Variants in CYP2C19 observed in about 807,000 individuals in gnomAD.
The protein encoded by CYP2C19 is cytochrome P450 2C19.
In CYP2C19, 59 loss-of-function variants were observed where a neutral mutation model predicts 40.9. That is an observed-to-expected ratio of 1.44 (90% CI 1.17 to 1.79). The LOEUF (loss-of-function observed/expected upper bound fraction) is 1.79. CYP2C19 is among the 40% of genes most tolerant of loss of function. CYP2C19 has a pLI of 0.00. For synonymous variants in CYP2C19, 253 were observed against 208.7 expected (o/e 1.21, Z -1.83); for missense variants, 754 against 596.9 (o/e 1.26, Z -2.74).
rs1173419631 is a variant in CYP2C19 at position 94,853,739 on chromosome 10, G to T, written c.*825G>T. ...TTTTTTGTATTTTTAGTACAGACAG[G>T]GTTTCACCATGTTAGCCAGGATGAT... On this transcript the variant is annotated 3_prime_UTR_variant, in exon 9 of 9. Coordinates refer to ENST00000371321, the MANE Select transcript of CYP2C19 (RefSeq NM_000769.4). Among the ~76,000 whole-genome samples the T allele has an allele frequency of 6.6e-6, 1 of 151,792 alleles. No homozygotes were observed. Among genetic ancestry groups the T allele is most frequent in the Non-Finnish European group, 1.5e-5 (1 of 67,950 alleles).
intron 5 of CYP2C19, among the ~76,000 whole-genome samples, chr10:94,799,842 T>A (rs959970397): frequency 2.6e-5 from 4 of 152,182 alleles, no homozygotes; most frequent in African/African-American, 9.6e-5. Flanking sequence ...CATTCCATGG[T>A]TTTTGGTTCC....
At chr10:94,791,625 C>T (rs970049948) in intron 5 of CYP2C19, among the ~76,000 whole-genome samples, 3 of 151,968 alleles carry the variant, frequency 2.0e-5, no homozygotes, top group South Asian at 2.1e-4. Flanking sequence ...CATTATTTAC[C>T]CAGTAGTCAT....
At chr10:94,820,294 G>T (rs1849093129) in intron 5 of CYP2C19, among the ~76,000 whole-genome samples, 1 of 151,876 alleles carries the variant, frequency 6.6e-6, no homozygotes, top group Non-Finnish European at 1.5e-5. Flanking sequence ...ATACTGAATG[G>T]GCAAAAACTG....
At chr10:94,774,382 G>A (rs527723345) in intron 1 of CYP2C19, 3 of 152,350 alleles carry the variant, frequency 2.0e-5, no homozygotes, top group South Asian at 4.1e-4. Flanking sequence ...ATTCCTCATA[G>A]GGATAGTATG....
intron 1 of CYP2C19, among the ~76,000 whole-genome samples, chr10:94,770,225 G>A (rs917114777): frequency 6.6e-5 from 10 of 152,142 alleles, no homozygotes; most frequent in Non-Finnish European, 8.8e-5. Flanking sequence ...GGATCATCTG[G>A]TTGGGGGCTT....
intron 7 of CYP2C19, 143 bp from the exon 8 acceptor site, chr10:94,849,774 A>AT (rs1849624444): frequency 7.9e-6 from 8 of 1,016,058 alleles, no homozygotes; most frequent in Non-Finnish European, 1.1e-5. Context: ...TACTTCGTCT[A>AT]TCTGTCTGGA....
chr10:94,765,226 G>C (rs1848223859), intron 1 of CYP2C19, among the ~76,000 whole-genome samples: 1 of 152,100 alleles, frequency 6.6e-6, no homozygotes, highest in Admixed American at 6.5e-5. Flanking sequence ...CCTATAAGTA[G>C]GGATATTAGT....
intron 6 of CYP2C19, among the ~76,000 whole-genome samples, chr10:94,840,650 G>T (rs1045898198): frequency 1.4e-4 from 21 of 152,198 alleles, no homozygotes; most frequent in Admixed American, 1.3e-3. Flanking sequence ...AGGGGCGCAC[G>T]CATGTGTGAC....
At chr10:94,801,654 T>C (rs1848767040) in intron 5 of CYP2C19, among the ~76,000 whole-genome samples, 1 of 152,168 alleles carries the variant, frequency 6.6e-6, no homozygotes, top group Admixed American at 6.5e-5. Flanking sequence ...CTTGTTAATT[T>C]TCTGTGTCAT....
chr10:94,805,052 T>A lies in CYP2C19; in HGVS notation c.820-15444T>A, dbSNP rs1049943243. ...CTATTTGGATGTGTTTTATTTCATT[T>A]TCTTGCATGGTTGCTCTGGCTAGAA... On this transcript the variant is annotated intron_variant, in intron 5 of 8. Coordinates refer to ENST00000371321, the MANE Select transcript of CYP2C19 (RefSeq NM_000769.4). 2.0e-5 allele frequency among the ~76,000 whole-genome samples: 3 copies of A among 152,162 alleles called. No individual in the cohort carries two copies. The East Asian group carries it at 5.8e-4, about 29-fold the overall frequency.
intron 1 of CYP2C19, among the ~76,000 whole-genome samples, chr10:94,764,322 T>C (rs1274465945): frequency 6.6e-6 from 1 of 152,290 alleles, no homozygotes; most frequent in East Asian, 1.9e-4. Context: ...GATCTGTTTT[T>C]ACAGAGTGCT....
rs1848974390 is a variant in CYP2C19 at position 94,814,661 on chromosome 10, G to A, written c.820-5835G>A. ...AGTGTAGGTTGTTAATGTCCTTAGT[G>A]TCAAAGTATTTGGGCGTCCTCCTAT... On this transcript the variant is annotated intron_variant, in intron 5 of 8. Transcript: ENST00000371321. Among the ~76,000 whole-genome samples, 2 of 151,192 alleles carry A rather than the reference G, an allele frequency of 1.3e-5. 1 individual carries two copies. Among genetic ancestry groups the A allele is most frequent in the African/African-American group, 4.9e-5 (2 of 40,906 alleles).
At chr10:94,782,203 A>G (rs1044401356) in intron 5 of CYP2C19, among the ~76,000 whole-genome samples, 2 of 152,182 alleles carry the variant, frequency 1.3e-5, no homozygotes, top group Admixed American at 6.5e-5. Flanking sequence ...CATAGAAGAA[A>G]TTGTTTAGAT....
chr10:94,842,580 T>A (rs1849512557), intron 6 of CYP2C19, among the ~76,000 whole-genome samples: 1 of 152,134 alleles, frequency 6.6e-6, no homozygotes, highest in South Asian at 2.1e-4. Context: ...CTTTCATTTC[T>A]TCCTGCCTTC....
chr10:94,764,057 C>T (rs1848209534), intron 1 of CYP2C19, among the ~76,000 whole-genome samples: 1 of 152,050 alleles, frequency 6.6e-6, no homozygotes. Flanking sequence ...TCGCTGGCTT[C>T]AGGAGTGAAG....
intron 5 of CYP2C19, among the ~76,000 whole-genome samples, chr10:94,818,851 C>T (rs1188634843): frequency 6.6e-6 from 1 of 152,022 alleles, no homozygotes. Context: ...GACAATTTGA[C>T]TTCCTCTTTT....
In CYP2C19 at chr10:94,785,311, C is replaced by T. The variant is rs531622102; in HGVS notation, c.819+3314C>T. On this transcript the variant is annotated intron_variant, in intron 5 of 8. Coordinates refer to ENST00000371321, the MANE Select transcript of CYP2C19 (RefSeq NM_000769.4). ...TTTAGCCCTTATATTTAAGTTTTTCCGTCCATTTTTCAGTTATATTTTTCA... is the reference window on the plus strand; with the variant it reads ...TTTAGCCCTTATATTTAAGTTTTTCTGTCCATTTTTCAGTTATATTTTTCA... Among the ~76,000 whole-genome samples, 9 of 151,982 alleles carry T rather than the reference C, an allele frequency of 5.9e-5. No homozygotes were observed. In the South Asian group the frequency reaches 6.2e-4, roughly 11 times the overall value.
intron 6 of CYP2C19, among the ~76,000 whole-genome samples, chr10:94,823,692 A>G (rs1849164742): frequency 6.6e-6 from 1 of 152,204 alleles, no homozygotes; most frequent in Non-Finnish European, 1.5e-5. Context: ...CAGAATTCTC[A>G]AGAGGAACTA....
intron 1 of CYP2C19, among the ~76,000 whole-genome samples, chr10:94,770,244 G>T (rs1317541205): frequency 6.6e-6 from 1 of 152,162 alleles, no homozygotes; most frequent in Non-Finnish European, 1.5e-5. Context: ...TTCTGGCCCA[G>T]AGAACCATTG....
Sources: allele counts gnomAD v4.1 joint callset (sites outside exome capture counted in the v4.1 genomes callset), GRCh38; gene constraint gnomAD v4.1.1; transcripts MANE v1.5; gene names NCBI Gene and HGNC (gene_info 2026-07-23, HGNC 2026-07-21).